The following ADGRV1 variants were observed in gnomAD, a reference collection of about 807,000 sequenced individuals.
The protein encoded by ADGRV1 is G-protein coupled receptor 98.
A neutral mutation model predicts 596.2 loss-of-function variants in ADGRV1; 359 were observed. That is an observed-to-expected ratio of 0.60 (90% CI 0.55 to 0.66). The LOEUF is 0.66. ADGRV1 is among the 30% of genes least tolerant of loss of function. The pLI is 0.00. For synonymous variants in ADGRV1, 2,681 were observed against 2,679.2 expected (o/e 1.00, Z -0.02); for missense variants, 7,274 against 7,575.6 (o/e 0.96, Z 1.48).
chr5:90,674,025 T>G, intron 22 of ADGRV1, 29 bp from the exon 23 acceptor site: 1 of 1,539,844 alleles, frequency 6.5e-7, no homozygotes, highest in Non-Finnish European at 8.9e-7. Flanking sequence ...GCCTCATTGC[T>G]TAGTGCCTCT....
chr5:90,828,987 C>T lies in ADGRV1; in HGVS notation c.16412C>T (p.Ala5471Val), dbSNP rs1764298124. The change falls in exon 77 of 90, where the codon GCT (alanine) becomes GTT (valine). Residue 5471 changes from alanine (A) to valine (V), a missense_variant. Physicochemically the swap from Ala to Val is moderately conservative, Grantham distance 64 (BLOSUM62 0). Coordinates refer to ENST00000405460, the MANE Select transcript of ADGRV1 (RefSeq NM_032119.4). Reference protein sequence around the residue: ...EVYFFVELYEATAGAAINNSA... With the variant: ...EVYFFVELYEVTAGAAINNSA... The stretch of plus-strand genomic sequence containing the variant: ...TATTTTTTTGTGGAACTATATGAAG[C>T]TACTGCTGGAGCAGCAATAAACAAC... 2.5e-6 allele frequency: 4 copies of T among 1,604,674 alleles called. No individual in the cohort carries two copies. Among genetic ancestry groups the T allele is most frequent in the Non-Finnish European group, 3.4e-6 (4 of 1,174,068 alleles).
intron 34 of ADGRV1, among the ~76,000 whole-genome samples, chr5:90,698,690 A>G (rs1747512614): frequency 6.6e-6 from 1 of 152,182 alleles, no homozygotes; most frequent in Admixed American, 6.6e-5. Context: ...AATCTGGAAA[A>G]TGAATATGAT....
intron 87 of ADGRV1, among the ~76,000 whole-genome samples, chr5:91,109,955 A>G (rs920641089): frequency 2.0e-5 from 3 of 152,218 alleles, no homozygotes; most frequent in African/African-American, 7.2e-5. Context: ...AACAAGGCCA[A>G]TGACAGCTTC....
intron 83 of ADGRV1, among the ~76,000 whole-genome samples, chr5:90,912,970 C>T (rs954551186): frequency 5.9e-5 from 9 of 151,966 alleles, no homozygotes; most frequent in Admixed American, 2.6e-4. Flanking sequence ...TGTTGGGGTT[C>T]GAAACATATT....
At chr5:90,627,915 A>AAAAC (rs746491823) in intron 7 of ADGRV1, 139 bp downstream of exon 7, 3 of 317,606 alleles carry the variant, frequency 9.4e-6, no homozygotes, top group South Asian at 5.4e-5. Context: ...AAACTCAGAA[A>AAAAC]AGACACACAC....
At chr5:90,571,000 G>T (rs1041097338) in intron 1 of ADGRV1, among the ~76,000 whole-genome samples, 1 of 151,820 alleles carries the variant, frequency 6.6e-6, no homozygotes, top group Non-Finnish European at 1.5e-5. Context: ...TCCATGCTTG[G>T]TATTTTTCTT....
intron 84 of ADGRV1, among the ~76,000 whole-genome samples, chr5:90,979,095 T>G (rs867700490): frequency 6.6e-6 from 1 of 151,556 alleles, no homozygotes; most frequent in African/African-American, 2.4e-5. Flanking sequence ...GCATTTAAAG[T>G]GAGTGGTGAA....
intron 64 of ADGRV1, 107 bp from the exon 65 acceptor site, chr5:90,781,323 G>A: frequency 1.2e-6 from 1 of 813,110 alleles, no homozygotes; most frequent in East Asian, 2.7e-5. Flanking sequence ...GTACTTTATA[G>A]AACTAAGTTG....
At chr5:90,609,028 G>A (rs568241609) in intron 1 of ADGRV1, among the ~76,000 whole-genome samples, 75 of 152,256 alleles carry the variant, frequency 4.9e-4, no homozygotes, top group Admixed American at 7.9e-4. Flanking sequence ...TTCCCAACAG[G>A]AAAGTCTACA....
At chr5:90,680,660 T>C (rs1384798787) in intron 26 of ADGRV1, among the ~76,000 whole-genome samples, 1 of 152,220 alleles carries the variant, frequency 6.6e-6, no homozygotes, top group Non-Finnish European at 1.5e-5. Flanking sequence ...CTAACTTCCA[T>C]CAGTGCCTAA....
At chr5:90,836,897 A>G (rs1296953370) in intron 77 of ADGRV1, among the ~76,000 whole-genome samples, 2 of 152,244 alleles carry the variant, frequency 1.3e-5, no homozygotes, top group Non-Finnish European at 2.9e-5. Context: ...AGTGCTAGGC[A>G]TATTACTAGA....
chr5:90,922,629 G>C (rs1428425818), intron 83 of ADGRV1, among the ~76,000 whole-genome samples: 1 of 152,092 alleles, frequency 6.6e-6, no homozygotes, highest in Non-Finnish European at 1.5e-5. Context: ...CCAAAGCAGA[G>C]CTCATTGCTG....
intron 25 of ADGRV1, among the ~76,000 whole-genome samples, chr5:90,677,729 C>T (rs1486274481): frequency 6.6e-6 from 1 of 152,104 alleles, no homozygotes; most frequent in Non-Finnish European, 1.5e-5. Flanking sequence ...ATTAATTGGA[C>T]TTGAATACTC....
At chr5:90,917,868 C>T (rs1355319140) in intron 83 of ADGRV1, among the ~76,000 whole-genome samples, 1 of 152,118 alleles carries the variant, frequency 6.6e-6, no homozygotes, top group Non-Finnish European at 1.5e-5. Context: ...TCTTCATCAT[C>T]ATCACCACTA....
chr5:90,665,455 T>G (rs1400090113), intron 21 of ADGRV1, among the ~76,000 whole-genome samples: 1 of 152,188 alleles, frequency 6.6e-6, no homozygotes, highest in Non-Finnish European at 1.5e-5. Flanking sequence ...GGATCAGTGG[T>G]GATATTCCCT....
chr5:91,149,343 C>T (rs566300787), intron 87 of ADGRV1, among the ~76,000 whole-genome samples: 1 of 152,278 alleles, frequency 6.6e-6, no homozygotes, highest in South Asian at 2.1e-4. Context: ...GCAGTTTTCT[C>T]TGTGCTGTTC....
At chr5:90,732,372 C>A (rs1235061232) in intron 50 of ADGRV1, among the ~76,000 whole-genome samples, 1 of 152,090 alleles carries the variant, frequency 6.6e-6, no homozygotes, top group Admixed American at 6.6e-5. Context: ...TTAAGATATA[C>A]AATGTGATAT....
intron 87 of ADGRV1, among the ~76,000 whole-genome samples, chr5:91,148,506 C>G (rs1795746805): frequency 6.6e-6 from 1 of 152,206 alleles, no homozygotes; most frequent in African/African-American, 2.4e-5. Flanking sequence ...ACACAGAAGA[C>G]AAGAATTGAG....
intron 85 of ADGRV1, among the ~76,000 whole-genome samples, chr5:91,022,727 C>A (rs1374013580): frequency 6.6e-6 from 1 of 152,084 alleles, no homozygotes; most frequent in Non-Finnish European, 1.5e-5. Context: ...TGTGGAACCC[C>A]ACCCCCATTC....
Sources: gnomAD v4.1 joint callset for allele counts (sites outside exome capture counted in the v4.1 genomes callset) on GRCh38, gnomAD v4.1.1 for gene constraint, MANE v1.5 for transcripts, NCBI Gene and HGNC (gene_info 2026-07-23, HGNC 2026-07-21) for gene names.